STIM1: variants seen among roughly 807,000 people sequenced by gnomAD.
STIM1 encodes stromal interaction molecule 1.
A neutral mutation model predicts 74.7 loss-of-function variants in STIM1; 25 were observed. The observed-to-expected ratio is 0.33, with a 90% CI of 0.24 to 0.47. The LOEUF is 0.47. STIM1 is among the 20% of genes least tolerant of loss of function. The pLI is 1.00. For synonymous variants in STIM1, 328 were observed against 348.8 expected (o/e 0.94, Z 0.66); for missense variants, 728 against 920.8 (o/e 0.79, Z 2.71).
intron 3 of STIM1, among the ~76,000 whole-genome samples, chr11:4,039,266 TG>T (rs1009810347): frequency 2.0e-5 from 3 of 152,214 alleles, no homozygotes; most frequent in African/African-American, 7.2e-5. Flanking sequence ...TACTTCAGCC[TG>T]GGTGACAGAA....
rs201623276 is a variant in STIM1 at position 4,091,964 on chromosome 11, A to G, written c.*166A>G. The G allele has an allele frequency of 3.3e-6, 3 of 917,100 alleles. No homozygotes were observed. The highest frequency in any genetic ancestry group is 1.5e-5 in the South Asian group (1 of 64,768). 56.8% of individuals were successfully genotyped at this position (917,100 alleles called of 1,614,324 possible). A position where few individuals can be genotyped will look rare whatever the true frequency, so the allele number is the denominator to read the frequency against. On this transcript the variant is annotated 3_prime_UTR_variant, in exon 13 of 13. Coordinates refer to ENST00000526596, the MANE Select transcript of STIM1 (RefSeq NM_001382567.1). The stretch of plus-strand genomic sequence containing the variant: ...CTGCCCCCTCATCCTTGGGTCCTTC[A>G]TTATTATTTATTAACTGACCACCAT...
intron 1 of STIM1, among the ~76,000 whole-genome samples, chr11:3,893,117 G>A (rs1259480624): frequency 2.0e-5 from 3 of 152,164 alleles, no homozygotes; most frequent in Non-Finnish European, 2.9e-5. Flanking sequence ...GAATAAAAAT[G>A]TCATCCCTTC....
At chr11:4,090,330 C>T (rs1436442183) in intron 12 of STIM1, among the ~76,000 whole-genome samples, 1 of 152,184 alleles carries the variant, frequency 6.6e-6, no homozygotes. Context: ...GGAGTCCAGA[C>T]CTCTTCTGAA....
chr11:4,061,288 G>T (rs2094328982), intron 5 of STIM1, among the ~76,000 whole-genome samples: 1 of 152,170 alleles, frequency 6.6e-6, no homozygotes, highest in East Asian at 1.9e-4. Context: ...TGGTGGAGCA[G>T]GTTGGACTGA....
chr11:4,030,099 C>T (rs916411241), intron 3 of STIM1, among the ~76,000 whole-genome samples: 27 of 151,988 alleles, frequency 1.8e-4, no homozygotes, highest in Admixed American at 4.6e-4. Flanking sequence ...GAGGCTGAGG[C>T]GGGTGGATCA....
intron 12 of STIM1, among the ~76,000 whole-genome samples, chr11:4,090,673 G>A (rs1356512134): frequency 6.6e-6 from 1 of 152,196 alleles, no homozygotes; most frequent in East Asian, 1.9e-4. Flanking sequence ...AGTGGGGAAG[G>A]AAGGCATGGA....
rs2090496568 is a variant in STIM1 at position 3,859,024 on chromosome 11, GC to G, written c.139+2617del. On this transcript the variant is annotated intron_variant, in intron 1 of 12. Coordinates refer to ENST00000526596, the MANE Select transcript of STIM1 (RefSeq NM_001382567.1). ...TGCTTTCCTTCTGACAATTAGGCAG[GC>G]CTTGGTGACTCTGTAGCTGAGAGCC... 3.3e-5 allele frequency among the ~76,000 whole-genome samples: 5 copies of G among 152,252 alleles called. No homozygotes were observed. The South Asian group carries it at 1.0e-3, about 32-fold the overall frequency.
At chr11:4,047,978 C>T (rs1376725646) in intron 3 of STIM1, among the ~76,000 whole-genome samples, 2 of 152,032 alleles carry the variant, frequency 1.3e-5, no homozygotes, top group African/African-American at 4.8e-5. Flanking sequence ...GCCACCACGC[C>T]CCGCTAATTT....
intron 1 of STIM1, among the ~76,000 whole-genome samples, chr11:3,882,941 T>C (rs1057236920): frequency 5.3e-5 from 8 of 152,350 alleles, no homozygotes; most frequent in African/African-American, 1.9e-4. Context: ...CATCTTTTCA[T>C]GTACTTGTTG....
At chr11:4,076,389 G>A (rs2094437100) in intron 7 of STIM1, among the ~76,000 whole-genome samples, 1 of 148,216 alleles carries the variant, frequency 6.7e-6, no homozygotes, top group Non-Finnish European at 1.5e-5. Context: ...GGGAGGCTGA[G>A]GCAGGAGGAT....
intron 3 of STIM1, among the ~76,000 whole-genome samples, chr11:4,043,908 G>A (rs374834611): frequency 6.6e-6 from 1 of 152,030 alleles, no homozygotes; most frequent in Non-Finnish European, 1.5e-5. Context: ...CCAGCTACTC[G>A]GGAGGCTGAG....
At position 3,902,628 on chromosome 11, in the gene STIM1, C is replaced by A. The variant is rs759528230; in HGVS notation, c.139+46219C>A. On this transcript the variant is annotated intron_variant, in intron 1 of 12. Transcript: ENST00000526596. The stretch of plus-strand genomic sequence containing the variant: ...CAGGCAGTAATGCTCGCTTGCCTGC[C>A]GCTCACCTCCTGCTGTGTGGCCTGG... 6.6e-5 allele frequency among the ~76,000 whole-genome samples: 10 copies of A among 152,202 alleles called. 1 individual carries two copies. Among genetic ancestry groups the A allele is most frequent in the Admixed American group, 6.5e-4 (10 of 15,284 alleles).
At chr11:4,013,918 A>G (rs1254006705) in intron 2 of STIM1, among the ~76,000 whole-genome samples, 1 of 151,780 alleles carries the variant, frequency 6.6e-6, no homozygotes, top group Non-Finnish European at 1.5e-5. Context: ...CGTGTTAGCC[A>G]GGATGGTCTC....
In STIM1 at chr11:3,975,470, TTAGCTGGTG is replaced by T. The variant is rs201805388; in HGVS notation, c.270+7790_270+7798del. Among the ~76,000 whole-genome samples the T allele has an allele frequency of 4.0e-3, 610 of 152,104 alleles. 20 individuals are homozygous for T. Among genetic ancestry groups the T allele is most frequent in the Admixed American group, 0.033 (505 of 15,286 alleles). ...TCTCTGTACTAAAAATACAAAAAAA[TTAGCTGGTG>T]TGGTGACACGTGCCTGTAATCCCAG... On this transcript the variant is annotated intron_variant, in intron 2 of 12. Transcript: ENST00000526596.
chr11:3,992,089 G>GTTTTTTTTTTTTTTTT (rs75377604), intron 2 of STIM1, among the ~76,000 whole-genome samples: 5 of 95,368 alleles, frequency 5.2e-5, no homozygotes, highest in African/African-American at 1.3e-4. Context: ...CTGTTTTTTT[G>GTTTTTTTTTTTTTTTT]TTTTTTTTTT....
chr11:4,087,670 T>C (rs1016030137), intron 12 of STIM1, among the ~76,000 whole-genome samples: 1 of 151,778 alleles, frequency 6.6e-6, no homozygotes, highest in African/African-American at 2.4e-5. Context: ...TTAGTGGCTG[T>C]GTGAAGGAAG....
intron 1 of STIM1, among the ~76,000 whole-genome samples, chr11:3,909,958 C>T (rs1205129911): frequency 1.3e-5 from 2 of 151,946 alleles, no homozygotes; most frequent in African/African-American, 4.8e-5. Flanking sequence ...AGAACTTTCC[C>T]TAGGGTGAGA....
intron 1 of STIM1, among the ~76,000 whole-genome samples, chr11:3,966,809 A>C (rs537752430): frequency 5.9e-5 from 9 of 152,202 alleles, no homozygotes; most frequent in Admixed American, 1.3e-4. Context: ...CAGGCTTGTA[A>C]GAGAGGACTA....
intron 3 of STIM1, among the ~76,000 whole-genome samples, chr11:4,044,875 G>A (rs1185092143): frequency 1.3e-5 from 2 of 152,096 alleles, no homozygotes; most frequent in African/African-American, 2.4e-5. Flanking sequence ...ATGGGATGTT[G>A]AACAATATCT....
Sources: allele counts gnomAD v4.1 joint callset (sites outside exome capture counted in the v4.1 genomes callset), GRCh38; gene constraint gnomAD v4.1.1; transcripts MANE v1.5; gene names NCBI Gene and HGNC (gene_info 2026-07-23, HGNC 2026-07-21).